The following SLIT3 variants were observed in gnomAD, a reference collection of about 807,000 sequenced individuals.
SLIT3 encodes the protein slit guidance ligand 3, also known as slit homolog 3 protein.
In SLIT3, 68 loss-of-function variants were observed where a neutral mutation model predicts 184.0. That is an observed-to-expected ratio of 0.37 (90% confidence interval 0.30 to 0.45). The LOEUF (loss-of-function observed/expected upper bound fraction) is 0.45. Ranked by LOEUF, SLIT3 falls within the 20% of genes least tolerant of loss-of-function variation. The pLI, the probability that SLIT3 is intolerant of heterozygous loss-of-function variation, is 1.00. For synonymous variants in SLIT3, 831 were observed against 828.6 expected (o/e 1.00, Z -0.05); for missense variants, 1,707 against 2,026.0 (o/e 0.84, Z 3.02).
At chr5:168,710,506 G>T (rs1375972395) in intron 25 of SLIT3, among the ~76,000 whole-genome samples, 1 of 152,080 alleles carries the variant, frequency 6.6e-6, no homozygotes, top group Non-Finnish European at 1.5e-5. Flanking sequence ...GCTTATGCCT[G>T]TAATCCCAGC....
chr5:169,238,938 GT>G (rs1765297839), intron 3 of SLIT3, among the ~76,000 whole-genome samples: 1 of 152,090 alleles, frequency 6.6e-6, no homozygotes, highest in Non-Finnish European at 1.5e-5. Flanking sequence ...GTAGAGATGG[GT>G]AATTTAAGGG....
At chr5:169,184,309 A>T (rs1424291250) in intron 4 of SLIT3, among the ~76,000 whole-genome samples, 5 of 152,190 alleles carry the variant, frequency 3.3e-5, no homozygotes, top group African/African-American at 9.7e-5. Flanking sequence ...TAGGGAAAAA[A>T]CTCACAGGAG....
chr5:168,999,958 T>A (rs1755646383), intron 4 of SLIT3, among the ~76,000 whole-genome samples: 1 of 152,170 alleles, frequency 6.6e-6, no homozygotes, highest in South Asian at 2.1e-4. Context: ...TTCATGATTT[T>A]TTCCACTTGG....
intron 4 of SLIT3, among the ~76,000 whole-genome samples, chr5:168,906,832 G>A (rs1181798456): frequency 6.6e-6 from 1 of 152,036 alleles, no homozygotes; most frequent in Non-Finnish European, 1.5e-5. Flanking sequence ...GAGCAAGGCA[G>A]GGATTGATTT....
chr5:168,891,956 C>T (rs906586455), intron 4 of SLIT3, among the ~76,000 whole-genome samples: 1 of 152,150 alleles, frequency 6.6e-6, no homozygotes, highest in Non-Finnish European at 1.5e-5. Context: ...CCAAATAACT[C>T]TCTGTGCCAG....
intron 4 of SLIT3, among the ~76,000 whole-genome samples, chr5:168,952,400 T>C (rs1225738040): frequency 1.3e-5 from 2 of 152,080 alleles, no homozygotes; most frequent in Non-Finnish European, 2.9e-5. Context: ...GGCTGATTGT[T>C]GGCACCAGCG....
intron 6 of SLIT3, among the ~76,000 whole-genome samples, chr5:168,839,594 A>G (rs1308889839): frequency 2.6e-5 from 4 of 152,208 alleles, no homozygotes; most frequent in African/African-American, 9.7e-5. Context: ...GACAAAAGAA[A>G]AATCTCACCT....
intron 4 of SLIT3, among the ~76,000 whole-genome samples, chr5:168,983,516 C>T (rs1311510468): frequency 6.6e-6 from 1 of 152,204 alleles, no homozygotes; most frequent in East Asian, 1.9e-4. Context: ...GGTGGTAGCA[C>T]ACAGTGGTGG....
chr5:168,986,373 T>C (rs1449660028), intron 4 of SLIT3, among the ~76,000 whole-genome samples: 3 of 151,656 alleles, frequency 2.0e-5, no homozygotes, highest in South Asian at 2.1e-4. Context: ...AAGGAAATAT[T>C]TGGACGGTGG....
At chr5:168,807,401 T>C (rs965286795) in intron 8 of SLIT3, among the ~76,000 whole-genome samples, 6 of 152,184 alleles carry the variant, frequency 3.9e-5, no homozygotes, top group African/African-American at 1.4e-4. Context: ...AAGAAGTAAA[T>C]GCAAATGTTT....
At position 169,300,531 on chromosome 5, in the gene SLIT3, G is replaced by C; in HGVS notation, c.179C>G (p.Pro60Arg). Residue 60 changes from proline (P) to arginine (R), a missense_variant, in exon 1 of 36, where the codon CCC becomes CGC. By Grantham distance (103) the Pro-to-Arg change is moderately radical. Transcript: ENST00000519560. The surrounding 1 kb of genome is among the most constrained non-coding windows in gnomAD (Gnocchi z 4.1). Reference sequence around the variant, plus strand: ...TACTCACAGGCGCTCAGCGTTGCGGGGGATGCCCCGAGGAACCGCGCGGAG... The same window carrying C: ...TACTCACAGGCGCTCAGCGTTGCGGCGGATGCCCCGAGGAACCGCGCGGAG... ...LGLRAVPRGI[P>R]RNAERLDLDR... 1.3e-6 allele frequency: 2 copies of C among 1,508,070 alleles called. No individual in the cohort carries two copies. The highest frequency in any genetic ancestry group is 1.4e-5 in the African/African-American group (1 of 69,900). The allele number at this position is 1,508,070 out of a possible 1,614,324, so 93.4% of individuals were successfully genotyped here.
intron 4 of SLIT3, among the ~76,000 whole-genome samples, chr5:169,157,901 G>A (rs140463321): frequency 6.6e-5 from 10 of 151,666 alleles, no homozygotes; most frequent in Admixed American, 2.0e-4. Context: ...GGGTTCCACC[G>A]TAAAATTGAG....
rs12655037 is a variant in SLIT3 at position 168,907,845 on chromosome 5, A to T, written c.414-24509T>A. 4.7e-5 allele frequency among the ~76,000 whole-genome samples: 7 copies of T among 148,826 alleles called. No individual in the cohort carries two copies. The East Asian group carries it at 1.4e-3, about 29-fold the overall frequency. On this transcript the variant is annotated intron_variant, in intron 4 of 35. Transcript: ENST00000519560. ...GTTTCATTACACACATACACATATA[A>T]GTATACATATATCTATATCTATAGA...
chr5:169,243,691 C>G (rs2113577672), intron 3 of SLIT3, among the ~76,000 whole-genome samples: 1 of 152,330 alleles, frequency 6.6e-6, no homozygotes, highest in South Asian at 2.1e-4. Context: ...GACAAGCACA[C>G]CACCTTACCC....
At chr5:169,085,674 G>T (rs1759264892) in intron 4 of SLIT3, among the ~76,000 whole-genome samples, 1 of 152,178 alleles carries the variant, frequency 6.6e-6, no homozygotes, top group African/African-American at 2.4e-5. Context: ...AACACAGCCT[G>T]CCCCAGCTCA....
chr5:168,784,888 C>CAT (rs1554141363), intron 12 of SLIT3, among the ~76,000 whole-genome samples: 4 of 152,040 alleles, frequency 2.6e-5, no homozygotes, highest in African/African-American at 4.8e-5. Flanking sequence ...CACACACACA[C>CAT]GCACACACAC....
intron 4 of SLIT3, among the ~76,000 whole-genome samples, chr5:169,139,523 C>T (rs1473772893): frequency 6.6e-6 from 1 of 152,138 alleles, no homozygotes; most frequent in East Asian, 1.9e-4. Context: ...AGGATTCATC[C>T]CAGGCCATCT....
At chr5:169,198,776 AT>A (rs1459403807) in intron 3 of SLIT3, among the ~76,000 whole-genome samples, 1 of 151,992 alleles carries the variant, frequency 6.6e-6, no homozygotes, top group African/African-American at 2.4e-5. Context: ...TACTAAAAAT[AT>A]AAAAATTAGC....
At chr5:169,216,147 C>T (rs953576589) in intron 3 of SLIT3, among the ~76,000 whole-genome samples, 6 of 152,184 alleles carry the variant, frequency 3.9e-5, no homozygotes, top group African/African-American at 1.2e-4. Flanking sequence ...CCAAAGTTGT[C>T]ATGACTGGCC....
Sources: allele counts gnomAD v4.1 joint callset (sites outside exome capture counted in the v4.1 genomes callset), GRCh38; gene constraint gnomAD v4.1.1; non-coding constraint Gnocchi (gnomAD v3.1); transcripts MANE v1.5; gene names NCBI Gene and HGNC (gene_info 2026-07-23, HGNC 2026-07-21).